The following TPO variants were observed in gnomAD, a reference collection of about 807,000 sequenced individuals.
The protein encoded by TPO is thyroid peroxidase.
In TPO, 78 loss-of-function variants were observed where a neutral mutation model predicts 96.9. The observed-to-expected ratio is 0.81, with a 90% CI of 0.67 to 0.97. TPO has a LOEUF of 0.97. Ranked by LOEUF, TPO falls within the 50% of genes least tolerant of loss-of-function variation. The probability of loss-of-function intolerance (pLI) is 0.00; values close to 1 mark genes in which losing one functional copy is unlikely to be tolerated. For missense variants in TPO, 1,252 were observed against 1,274.8 expected (o/e 0.98, Z 0.27); for synonymous variants, 547 against 538.0 (o/e 1.02, Z -0.23).
chr2:1,488,131 C>G, intron 10 of TPO, 140 bp downstream of exon 10: 4 of 1,231,054 alleles, frequency 3.2e-6, no homozygotes, highest in Non-Finnish European at 4.6e-6. Flanking sequence ...TTAAAGGGCT[C>G]CAGTTCATTC....
At chr2:1,530,117 C>T (rs1245986671) in intron 15 of TPO, among the ~76,000 whole-genome samples, 1 of 103,480 alleles carries the variant, frequency 9.7e-6, no homozygotes, top group African/African-American at 4.1e-5. Flanking sequence ...CTCCCAAAAT[C>T]TCCCTATGCG....
chr2:1,477,395 C>T lies in TPO; in HGVS notation c.1129C>T (p.Pro377Ser). The T allele has an allele frequency of 6.6e-7, 1 of 1,525,662 alleles. No individual in the cohort carries two copies. Among genetic ancestry groups the T allele is most frequent in the Non-Finnish European group, 8.8e-7 (1 of 1,139,134 alleles). The allele number at this position is 1,525,662 out of a possible 1,614,324, so 94.5% of individuals were successfully genotyped here. A position where few individuals can be genotyped will look rare whatever the true frequency, so the allele number is the denominator to read the frequency against. Residue 377 changes from proline (P) to serine (S), a missense_variant, in exon 8 of 17, where the codon CCC becomes TCC. Physicochemically the swap from Pro to Ser is moderately conservative, Grantham distance 74. Transcript: ENST00000329066. Reference protein sequence around the residue: ...VPPRAPAACAPEPGIPGETRG... With the variant: ...VPPRAPAACASEPGIPGETRG... ...GCCACGCGCGCCTGCGGCCTGTGCG[C>T]CCGAGCCCGGCATCCCCGGAGAGAC... is the stretch of plus-strand genomic sequence containing the variant.
At chr2:1,436,568 A>C (rs1441382886) in intron 5 of TPO, among the ~76,000 whole-genome samples, 184 bp downstream of exon 5, 1 of 152,178 alleles carries the variant, frequency 6.6e-6, no homozygotes, top group African/African-American at 2.4e-5. Context: ...GCAGCGTGCC[A>C]AGCAGTACTG....
At chr2:1,437,888 T>G (rs9751670) in intron 5 of TPO, among the ~76,000 whole-genome samples, 1 of 151,724 alleles carries the variant, frequency 6.6e-6, no homozygotes. Flanking sequence ...GGAGATGGCA[T>G]GTGTCCTGTC....
At chr2:1,485,367 C>T (rs148218996) in intron 9 of TPO, among the ~76,000 whole-genome samples, 98 of 152,222 alleles carry the variant, frequency 6.4e-4, no homozygotes, top group African/African-American at 1.9e-3. Context: ...AATAAACATA[C>T]GTGTGCATGT....
intron 5 of TPO, among the ~76,000 whole-genome samples, chr2:1,443,071 A>AAAAC (rs555415078): frequency 6.6e-6 from 1 of 152,234 alleles, no homozygotes; most frequent in Admixed American, 6.5e-5. Context: ...CCTCATCTCT[A>AAAAC]AAACAAACAA....
chr2:1,454,778 A>G (rs1274799948), intron 6 of TPO, among the ~76,000 whole-genome samples: 4 of 152,334 alleles, frequency 2.6e-5, no homozygotes, highest in Non-Finnish European at 4.4e-5. Flanking sequence ...GTATTATGAG[A>G]TTGTGATTCT....
chr2:1,417,052 A>T (rs1663036678), intron 2 of TPO, among the ~76,000 whole-genome samples: 1 of 152,266 alleles, frequency 6.6e-6, no homozygotes, highest in Non-Finnish European at 1.5e-5. Context: ...TCTCAGAAGC[A>T]GCAAGGCTGT....
intron 5 of TPO, among the ~76,000 whole-genome samples, chr2:1,448,656 G>A (rs1420701280): frequency 6.6e-6 from 1 of 152,200 alleles, no homozygotes; most frequent in Non-Finnish European, 1.5e-5. Flanking sequence ...AAACAGCCCA[G>A]TGTGTTTTTC....
chr2:1,510,190 A>G lies in TPO; in HGVS notation c.2518+6111A>G, dbSNP rs569903041. Among the ~76,000 whole-genome samples the G allele has an allele frequency of 7.2e-5, 11 of 152,350 alleles. No homozygotes were observed. In the East Asian group the frequency reaches 1.4e-3, roughly 19 times the overall value. On this transcript the variant is annotated intron_variant, in intron 14 of 16. Coordinates refer to ENST00000329066, the MANE Select transcript of TPO (RefSeq NM_001206744.2). ...ATTTTTAAATAAAATGTTTAAATCA[A>G]TGGTTCAGATGTGAATTGCAAAGGT...
chr2:1,478,224 A>AT, intron 8 of TPO: 3 of 985,368 alleles, frequency 3.0e-6, no homozygotes, highest in South Asian at 9.4e-5. Flanking sequence ...CCTTTTATTA[A>AT]TTGTGTGATG....
At position 1,542,801 on chromosome 2, in the gene TPO, T is replaced by G. The variant is rs1383384859; in HGVS notation, c.*327T>G. ...TGTCTCCACCTTCTGGCATCTCTGA[T>G]GCCGTGCTCGTCTGCACTCTGCCCC... On this transcript the variant is annotated 3_prime_UTR_variant, in exon 17 of 17. Transcript: ENST00000329066. 1 of 563,524 alleles carries G rather than the reference T, an allele frequency of 1.8e-6. No homozygotes were observed. The highest frequency in any genetic ancestry group is 3.0e-6 in the Non-Finnish European group (1 of 338,878). The allele number at this position is 563,524 out of a possible 1,614,324, so 34.9% of individuals were successfully genotyped here.
rs368127321 is a variant in TPO at position 1,493,872 on chromosome 2, C to T, written c.1839C>T (p.Ile613=). Residue 613 remains isoleucine, a synonymous_variant, in exon 11 of 17, where the codon ATC becomes ATT. Coordinates refer to ENST00000329066, the MANE Select transcript of TPO (RefSeq NM_001206744.2). ...LETPADLSTA[I]ASRSVADKIL... is the part of the protein sequence containing the mutation. The stretch of plus-strand genomic sequence containing the variant: ...CCCCCGCTGACCTGAGCACAGCCAT[C>T]GCCAGCAGGAGCGTGGCCGACAAGA... The T allele has an allele frequency of 5.0e-6, 8 of 1,614,066 alleles. No individual in the cohort carries two copies. In the African/African-American group the frequency reaches 5.3e-5, roughly 11 times the overall value.
intron 15 of TPO, among the ~76,000 whole-genome samples, chr2:1,521,361 G>T (rs898601123): frequency 3.9e-5 from 6 of 152,118 alleles, no homozygotes; most frequent in African/African-American, 1.2e-4. Flanking sequence ...TTTATCATTA[G>T]ATTCATAAGC....
intron 7 of TPO, among the ~76,000 whole-genome samples, chr2:1,460,874 C>G (rs866329779): frequency 2.6e-5 from 4 of 151,932 alleles, no homozygotes; most frequent in South Asian, 2.1e-4. Context: ...CCTTTGGGCT[C>G]CCCTGGAGCT....
upstream of TPO, among the ~76,000 whole-genome samples, chr2:1,411,083 T>C (rs1662325752): frequency 6.6e-6 from 1 of 152,132 alleles, no homozygotes; most frequent in Non-Finnish European, 1.5e-5. Flanking sequence ...CCCCGTCTTC[T>C]TTCTCAAAAA....
chr2:1,419,826 G>A (rs185508087), intron 2 of TPO, among the ~76,000 whole-genome samples: 10 of 152,352 alleles, frequency 6.6e-5, no homozygotes, highest in Admixed American at 5.9e-4. Flanking sequence ...GGAAGCAGGA[G>A]TCCAGGCTAA....
At chr2:1,416,405 C>T (rs1335775573) in intron 2 of TPO, among the ~76,000 whole-genome samples, 1 of 152,238 alleles carries the variant, frequency 6.6e-6, no homozygotes, top group Admixed American at 6.5e-5. Context: ...AGTTGTGATA[C>T]ATGAGAGCTA....
At chr2:1,408,629 C>T (rs1662281247), upstream of TPO, among the ~76,000 whole-genome samples, 1 of 152,222 alleles carries the variant, frequency 6.6e-6, no homozygotes, top group African/African-American at 2.4e-5. Flanking sequence ...GTCACTCTGC[C>T]TGCAATAGCA....
Sources: gnomAD v4.1 joint callset for allele counts (sites outside exome capture counted in the v4.1 genomes callset) on GRCh38, gnomAD v4.1.1 for gene constraint, MANE v1.5 for transcripts, NCBI Gene and HGNC (gene_info 2026-07-23, HGNC 2026-07-21) for gene names.